SLCO5A1: variants seen among roughly 807,000 people sequenced by gnomAD.
SLCO5A1 encodes organic anion transporter polypeptide-related protein 4.
Under a neutral mutation model 65.1 loss-of-function variants are expected in SLCO5A1, and 39 were observed. The observed-to-expected ratio is 0.60, with a 90% CI of 0.46 to 0.78. SLCO5A1 has a LOEUF of 0.78. Among genes scored for constraint, SLCO5A1 ranks in the 30% least tolerant of loss-of-function variants. The probability of loss-of-function intolerance (pLI) is 0.00; values close to 1 mark genes in which losing one functional copy is unlikely to be tolerated. For synonymous variants in SLCO5A1, 438 were observed against 415.7 expected (o/e 1.05, Z -0.65); for missense variants, 1,029 against 1,069.4 (o/e 0.96, Z 0.53).
chr8:69,699,289 G>A (rs1445162408), intron 6 of SLCO5A1, among the ~76,000 whole-genome samples: 1 of 152,196 alleles, frequency 6.6e-6, no homozygotes, highest in Non-Finnish European at 1.5e-5. Flanking sequence ...TGACAGGGAA[G>A]TTAGGTAAAA....
intron 5 of SLCO5A1, among the ~76,000 whole-genome samples, 167 bp downstream of exon 5, chr8:69,737,873 C>T (rs1816624244): frequency 2.0e-5 from 3 of 152,144 alleles, no homozygotes; most frequent in South Asian, 4.1e-4. Context: ...CAATCTGAAT[C>T]AAAGAGAACA....
At chr8:69,833,940 CCAAA>C (rs1480269901) in intron 1 of SLCO5A1, 4 of 152,502 alleles carry the variant, frequency 2.6e-5, no homozygotes, top group South Asian at 2.1e-4. Flanking sequence ...GAAGCCACAA[CCAAA>C]CAAAGAGATC....
chr8:69,694,101 T>A (rs1232689153), intron 6 of SLCO5A1, among the ~76,000 whole-genome samples: 1 of 152,174 alleles, frequency 6.6e-6, no homozygotes. Flanking sequence ...AGTAGATACA[T>A]CCCCAATAGC....
chr8:69,728,361 G>T (rs533811863), intron 5 of SLCO5A1, among the ~76,000 whole-genome samples: 24 of 152,032 alleles, frequency 1.6e-4, no homozygotes, highest in Non-Finnish European at 3.2e-4. Flanking sequence ...AATGTACTTT[G>T]TTTATAGTTT....
At chr8:69,714,156 C>T (rs1815405239) in intron 5 of SLCO5A1, among the ~76,000 whole-genome samples, 1 of 152,186 alleles carries the variant, frequency 6.6e-6, no homozygotes, top group East Asian at 1.9e-4. Context: ...TAAAAAATTT[C>T]AGCAATCCCT....
chr8:69,705,158 C>A lies in SLCO5A1; in HGVS notation c.1495G>T (p.Gly499Cys). The change falls in exon 6 of 10, where the codon GGT becomes TGT. Residue 499 changes from glycine (G) to cysteine (C), a missense_variant. By Grantham distance (159) the Gly-to-Cys change is radical. This residue lies in a region of SLCO5A1 where 647 missense variants were observed against 647.5 expected (regional missense o/e 1.00). Transcript: ENST00000260126. ...GCTAGTTTTGCAGATTCTCTGGCAC[C>A]AAGTTTCAATTTTTTTATAATGTAG... ...GGYIIKKLKLGARESAKLAMI... is the reference protein window; with the variant it reads ...GGYIIKKLKLCARESAKLAMI... 6.2e-7 allele frequency: 1 copy of A among 1,614,138 alleles called. No individual in the cohort carries two copies. The highest frequency in any genetic ancestry group is 8.5e-7 in the Non-Finnish European group (1 of 1,180,026).
intron 2 of SLCO5A1, among the ~76,000 whole-genome samples, chr8:69,774,012 A>G (rs1052005836): frequency 6.6e-6 from 1 of 152,178 alleles, no homozygotes; most frequent in African/African-American, 2.4e-5. Context: ...ACATTTATAT[A>G]TTTGTTCATT....
chr8:69,682,052 G>T, intron 7 of SLCO5A1, 132 bp downstream of exon 7: 1 of 927,050 alleles, frequency 1.1e-6, no homozygotes, highest in Non-Finnish European at 1.6e-6. Flanking sequence ...GTTTTCATCA[G>T]AGGTATTTTG....
intron 2 of SLCO5A1, among the ~76,000 whole-genome samples, chr8:69,819,679 G>A (rs1259583259): frequency 6.6e-6 from 1 of 152,152 alleles, no homozygotes; most frequent in Non-Finnish European, 1.5e-5. Context: ...AAACAGTTCT[G>A]GGCCAGGCGC....
chr8:69,673,789 C>T (rs1329800610), intron 9 of SLCO5A1, among the ~76,000 whole-genome samples: 2 of 152,132 alleles, frequency 1.3e-5, no homozygotes, highest in African/African-American at 2.4e-5. Flanking sequence ...GGGCTTTAGT[C>T]CTTGGATGCA....
intron 2 of SLCO5A1, among the ~76,000 whole-genome samples, chr8:69,816,209 T>C (rs1820402377): frequency 6.6e-6 from 1 of 152,314 alleles, no homozygotes; most frequent in Non-Finnish European, 1.5e-5. Context: ...CTGGACATCG[T>C]AGGATGTTTA....
At chr8:69,761,606 C>T in intron 3 of SLCO5A1, 137 bp downstream of exon 3, 1 of 836,524 alleles carries the variant, frequency 1.2e-6, no homozygotes, top group South Asian at 1.7e-5. Flanking sequence ...ATGTTATTAA[C>T]CTGCCTGTCA....
intron 5 of SLCO5A1, among the ~76,000 whole-genome samples, chr8:69,727,667 A>G (rs1349953695): frequency 2.0e-5 from 3 of 152,244 alleles, no homozygotes; most frequent in African/African-American, 7.2e-5. Context: ...TTTCACCATC[A>G]TAGCACAGGC....
intron 2 of SLCO5A1, among the ~76,000 whole-genome samples, chr8:69,780,121 G>GATAT (rs2130881794): frequency 1.3e-5 from 2 of 152,230 alleles, no homozygotes; most frequent in South Asian, 4.2e-4. Flanking sequence ...ACACCAACCA[G>GATAT]AATGGCTATT....
chr8:69,832,107 G>A lies in SLCO5A1; in HGVS notation c.567C>T (p.Gly189=), dbSNP rs1428621171. 11 of 1,613,956 alleles carry A rather than the reference G, an allele frequency of 6.8e-6. No homozygotes were observed. Among genetic ancestry groups the A allele is most frequent in the Admixed American group, 1.7e-5 (1 of 60,008 alleles). ...GCCACAGGGGCCGCCGACCCCGGCC[G>A]CCGAAGTAGCTGACGAACACCACCA... is the stretch of plus-strand genomic sequence containing the variant. ...LVVVVFVSYF[G]GRGRRPLWLA... Residue 189 remains glycine (G), a synonymous_variant, in exon 2 of 10, where the codon GGC becomes GGT. Coordinates refer to ENST00000260126, the MANE Select transcript of SLCO5A1 (RefSeq NM_030958.3). The surrounding 1 kb of genome is among the most constrained non-coding windows in gnomAD (Gnocchi z 4.5).
intron 2 of SLCO5A1, among the ~76,000 whole-genome samples, chr8:69,767,203 C>T (rs950744502): frequency 6.6e-6 from 1 of 152,178 alleles, no homozygotes; most frequent in African/African-American, 2.4e-5. Context: ...ATTGGATTAT[C>T]TTACAGGCAA....
At chr8:69,673,724 A>G (rs1022305845) in intron 9 of SLCO5A1, among the ~76,000 whole-genome samples, 5 of 152,208 alleles carry the variant, frequency 3.3e-5, no homozygotes, top group Admixed American at 3.3e-4. Flanking sequence ...TCAACAGGCT[A>G]TACTAGAACC....
At chr8:69,731,744 G>A (rs1048956557) in intron 5 of SLCO5A1, among the ~76,000 whole-genome samples, 8 of 152,104 alleles carry the variant, frequency 5.3e-5, no homozygotes, top group African/African-American at 1.9e-4. Flanking sequence ...TCTCAATAAT[G>A]ATTAAAATGA....
intron 2 of SLCO5A1, among the ~76,000 whole-genome samples, chr8:69,814,850 C>A (rs1820339957): frequency 1.3e-5 from 2 of 152,108 alleles, no homozygotes; most frequent in African/African-American, 4.8e-5. Context: ...TCATTTTTGA[C>A]AACATGGATG....
Sources: allele counts gnomAD v4.1 joint callset (sites outside exome capture counted in the v4.1 genomes callset), GRCh38; gene constraint gnomAD v4.1.1; regional missense constraint gnomAD v4.1.1; non-coding constraint Gnocchi (gnomAD v3.1); transcripts MANE v1.5; gene names NCBI Gene and HGNC (gene_info 2026-07-23, HGNC 2026-07-21).